The following PCLO variants were observed in gnomAD, a reference collection of about 807,000 sequenced individuals.
PCLO encodes the protein piccolo presynaptic cytomatrix protein.
PCLO carries 82 observed loss-of-function variants against 427.5 expected under a neutral mutation model. The observed-to-expected ratio is 0.19, with a 90% CI of 0.16 to 0.23. The LOEUF (loss-of-function observed/expected upper bound fraction) is 0.23. PCLO is among the 10% of genes least tolerant of loss of function. The pLI is 1.00. For synonymous variants in PCLO, 2,357 were observed against 2,155.4 expected (o/e 1.09, Z -2.59); for missense variants, 6,239 against 6,115.9 (o/e 1.02, Z -0.67).
intron 9 of PCLO, among the ~76,000 whole-genome samples, chr7:82,895,000 T>TA (rs1793866574): frequency 2.0e-5 from 3 of 151,986 alleles, no homozygotes; most frequent in African/African-American, 7.2e-5. Flanking sequence ...GAAAGTAAAA[T>TA]CATAGTCATA....
At chr7:82,906,416 G>T (rs1041249160) in intron 8 of PCLO, among the ~76,000 whole-genome samples, 3 of 151,938 alleles carry the variant, frequency 2.0e-5, no homozygotes, top group African/African-American at 4.8e-5. Flanking sequence ...ACATGAGAAT[G>T]CCATTTTGTA....
intron 3 of PCLO, among the ~76,000 whole-genome samples, chr7:83,129,271 C>T (rs118185290): frequency 0.011 from 1,728 of 152,202 alleles, 11 homozygotes; most frequent in Non-Finnish European, 0.018. Flanking sequence ...GTCAAAATAG[C>T]TGCCCTATTA....
intron 6 of PCLO, among the ~76,000 whole-genome samples, chr7:82,937,652 T>C (rs936815266): frequency 1.5e-4 from 23 of 151,772 alleles, no homozygotes; most frequent in Admixed American, 1.3e-3. Flanking sequence ...AAGAAATCAA[T>C]AGTTTTTTCC....
intron 3 of PCLO, among the ~76,000 whole-genome samples, chr7:83,126,526 T>A (rs1791443525): frequency 6.6e-6 from 1 of 152,004 alleles, no homozygotes; most frequent in East Asian, 1.9e-4. Flanking sequence ...CTCATAAAAT[T>A]AAAAATGTAA....
chr7:83,078,738 C>T (rs948122098), intron 3 of PCLO, among the ~76,000 whole-genome samples: 6 of 151,954 alleles, frequency 3.9e-5, no homozygotes, highest in African/African-American at 1.5e-4. Flanking sequence ...CACCACGTTG[C>T]CCAGGCTTGT....
chr7:82,806,374 G>A (rs1791457857), intron 20 of PCLO, among the ~76,000 whole-genome samples: 2 of 152,046 alleles, frequency 1.3e-5, no homozygotes, highest in Non-Finnish European at 2.9e-5. Flanking sequence ...TCTCCAGCAA[G>A]GTTTTAAAAT....
intron 2 of PCLO, among the ~76,000 whole-genome samples, chr7:83,154,389 T>C (rs1406865824): frequency 6.6e-6 from 1 of 152,236 alleles, no homozygotes. Flanking sequence ...ATAACATTTA[T>C]GAATACCAAA....
At chr7:82,820,635 C>T (rs1791769461) in intron 20 of PCLO, 1 of 1,230,080 alleles carries the variant, frequency 8.1e-7, no homozygotes, top group African/African-American at 1.6e-5. Context: ...TAAATGAGTG[C>T]ATTAACAATT....
chr7:82,909,293 A>T (rs1794266260), intron 7 of PCLO, among the ~76,000 whole-genome samples: 2 of 152,132 alleles, frequency 1.3e-5, no homozygotes, highest in Admixed American at 1.3e-4. Context: ...AGGAGAAAAA[A>T]GAAATTTAGA....
intron 3 of PCLO, among the ~76,000 whole-genome samples, chr7:83,055,081 T>A (rs901240836): frequency 1.3e-5 from 2 of 152,222 alleles, no homozygotes; most frequent in East Asian, 3.9e-4. Context: ...TGCACTGTTA[T>A]TAGAACTTCA....
At chr7:82,907,374 TAAC>T (rs1243036131) in intron 8 of PCLO, among the ~76,000 whole-genome samples, 4 of 151,998 alleles carry the variant, frequency 2.6e-5, no homozygotes, top group Non-Finnish European at 5.9e-5. Context: ...GGGGAAGACA[TAAC>T]AAGTATTCCA....
intron 3 of PCLO, among the ~76,000 whole-genome samples, chr7:82,996,164 G>C (rs1796491664): frequency 6.6e-6 from 1 of 151,624 alleles, no homozygotes; most frequent in Non-Finnish European, 1.5e-5. Flanking sequence ...ATCTGATTTT[G>C]CTAAAAATTA....
intron 3 of PCLO, among the ~76,000 whole-genome samples, chr7:83,126,127 A>G (rs1791433010): frequency 6.6e-6 from 1 of 152,218 alleles, no homozygotes; most frequent in Non-Finnish European, 1.5e-5. Flanking sequence ...CAGTCACGGA[A>G]AGACAAATTT....
chr7:82,985,110 G>A (rs974115197), intron 3 of PCLO, among the ~76,000 whole-genome samples: 2 of 151,948 alleles, frequency 1.3e-5, no homozygotes, highest in African/African-American at 4.8e-5. Context: ...GATCCTCAGA[G>A]AGAGCACCTA....
chr7:83,076,399 A>G (rs1789953010), intron 3 of PCLO, among the ~76,000 whole-genome samples: 2 of 151,844 alleles, frequency 1.3e-5, no homozygotes. Flanking sequence ...AGTAGCTGGG[A>G]TTACAGGTGC....
At chr7:82,820,678 TC>T in intron 20 of PCLO, 1 of 1,230,788 alleles carries the variant, frequency 8.1e-7, no homozygotes, top group Non-Finnish European at 1.0e-6. Context: ...ATTTTCAAAA[TC>T]CACTAAATTT....
intron 10 of PCLO, among the ~76,000 whole-genome samples, chr7:82,857,879 A>G (rs1203502123): frequency 6.6e-6 from 1 of 152,168 alleles, no homozygotes; most frequent in Non-Finnish European, 1.5e-5. Context: ...TTCACAAGAA[A>G]TAATACAACA....
intron 2 of PCLO, among the ~76,000 whole-genome samples, chr7:83,143,821 T>C (rs1023087343): frequency 1.3e-5 from 2 of 152,314 alleles, no homozygotes; most frequent in African/African-American, 4.8e-5. Flanking sequence ...CTGCCTCTCG[T>C]GGTGAATTCA....
intron 3 of PCLO, among the ~76,000 whole-genome samples, chr7:82,978,843 C>A (rs1385631309): frequency 9.0e-6 from 1 of 110,800 alleles, no homozygotes; most frequent in Non-Finnish European, 1.8e-5. Context: ...GAAACACACA[C>A]ACACACACAC....
Sources: gnomAD v4.1 joint callset for allele counts (sites outside exome capture counted in the v4.1 genomes callset) on GRCh38, gnomAD v4.1.1 for gene constraint, MANE v1.5 for transcripts, NCBI Gene and HGNC (gene_info 2026-07-23, HGNC 2026-07-21) for gene names.